ASIC2: variants seen among roughly 807,000 people sequenced by gnomAD.
The protein encoded by ASIC2 is acid-sensing ion channel 2.
In ASIC2, 25 loss-of-function variants were observed where a neutral mutation model predicts 57.3. The ratio of observed to expected loss-of-function variants is 0.44; its 90% CI spans 0.32 to 0.61. ASIC2 has a LOEUF of 0.61. Ranked by LOEUF, ASIC2 falls within the 20% of genes least tolerant of loss-of-function variation. The pLI is 0.06. For synonymous variants in ASIC2, 319 were observed against 307.5 expected, an observed-to-expected ratio of 1.04 and a Z score of -0.39; for missense variants, 641 against 738.1, an observed-to-expected ratio of 0.87 and a Z score of 1.52.
At chr17:33,757,895 C>G (rs953982914) in intron 1 of ASIC2, among the ~76,000 whole-genome samples, 1 of 152,184 alleles carries the variant, frequency 6.6e-6, no homozygotes, top group Non-Finnish European at 1.5e-5. Context: ...CCTCAGAGGC[C>G]GACAGTGCTC....
intron 1 of ASIC2, among the ~76,000 whole-genome samples, chr17:33,882,981 CCAT>C (rs1461678010): frequency 6.6e-6 from 1 of 152,018 alleles, no homozygotes; most frequent in Non-Finnish European, 1.5e-5. Flanking sequence ...AAGCTGGAAA[CCAT>C]CATTCTCAGC....
intron 3 of ASIC2, among the ~76,000 whole-genome samples, chr17:33,051,361 C>T (rs1474112232): frequency 6.6e-6 from 1 of 152,174 alleles, no homozygotes; most frequent in African/African-American, 2.4e-5. Flanking sequence ...TGTGCCCTGC[C>T]CAGCTCTCTT....
At chr17:33,776,391 C>T (rs1911279507) in intron 1 of ASIC2, among the ~76,000 whole-genome samples, 1 of 152,188 alleles carries the variant, frequency 6.6e-6, no homozygotes, top group South Asian at 2.1e-4. Context: ...TCACCAGACA[C>T]CAACTCTGCT....
intron 1 of ASIC2, among the ~76,000 whole-genome samples, chr17:33,151,471 C>T (rs1055055926): frequency 4.6e-5 from 7 of 151,056 alleles, no homozygotes; most frequent in African/African-American, 1.7e-4. Flanking sequence ...TTGTGGTTTC[C>T]TCATTTCTAG....
Position 33,342,576 on chromosome 17 carries a change from CATG to C in ASIC2, c.556-230512_556-230510del, listed in dbSNP as rs778960809. The stretch of plus-strand genomic sequence containing the variant: ...AGCCTGACCATTCCTGGGGGAATCA[CATG>C]ATGGTCCTACTCTCCATTGACTAAG... On this transcript the variant is annotated intron_variant, in intron 1 of 9. Transcript: ENST00000359872. Among the ~76,000 whole-genome samples the C allele has an allele frequency of 8.5e-5, 13 of 152,302 alleles. No individual in the cohort carries two copies. In the East Asian group the frequency reaches 1.5e-3, roughly 18 times the overall value.
chr17:34,153,832 A>C, intron 1 of ASIC2, among the ~76,000 whole-genome samples: 1 of 152,244 alleles, frequency 6.6e-6, no homozygotes, highest in East Asian at 1.9e-4. Context: ...CCACTGACAG[A>C]GTAGTAAATA....
intron 1 of ASIC2, among the ~76,000 whole-genome samples, chr17:33,197,379 C>T (rs1906676963): frequency 6.6e-6 from 1 of 152,182 alleles, no homozygotes; most frequent in Non-Finnish European, 1.5e-5. Context: ...CTGCTCTGGG[C>T]CCCACACTTT....
chr17:33,015,725 C>A (rs2091801975), intron 9 of ASIC2, among the ~76,000 whole-genome samples: 1 of 152,182 alleles, frequency 6.6e-6, no homozygotes, highest in Non-Finnish European at 1.5e-5. Flanking sequence ...TTGGGCCAGG[C>A]AGTTCCTATG....
chr17:33,385,794 T>G (rs978921229), intron 1 of ASIC2, among the ~76,000 whole-genome samples: 3 of 152,162 alleles, frequency 2.0e-5, no homozygotes, highest in Non-Finnish European at 4.4e-5. Context: ...CTCTGCAGTT[T>G]GTGTCTGCAA....
At chr17:33,820,793 C>T (rs1162781769) in intron 1 of ASIC2, among the ~76,000 whole-genome samples, 1 of 152,184 alleles carries the variant, frequency 6.6e-6, no homozygotes, top group Non-Finnish European at 1.5e-5. Flanking sequence ...CCTCTTACCT[C>T]AGCCTTCCAA....
intron 1 of ASIC2, among the ~76,000 whole-genome samples, chr17:34,137,767 T>G (rs902063556): frequency 1.3e-5 from 2 of 152,126 alleles, no homozygotes; most frequent in Admixed American, 6.5e-5. Flanking sequence ...GTTTCCTGAT[T>G]CATAGATGGT....
In ASIC2 at chr17:34,076,065, T is replaced by C. The variant is rs1909638386; in HGVS notation, c.555+79913A>G. 2.6e-5 allele frequency among the ~76,000 whole-genome samples: 4 copies of C among 151,836 alleles called. No individual in the cohort carries two copies. The South Asian group carries it at 8.3e-4, about 32-fold the overall frequency. ...TTGCCCAGGCTGGAGTGCAGTGGCATGATCTCGGCTCACTGCAAGCTCCGC... is the reference window on the plus strand; with the variant it reads ...TTGCCCAGGCTGGAGTGCAGTGGCACGATCTCGGCTCACTGCAAGCTCCGC... On this transcript the variant is annotated intron_variant, in intron 1 of 9. Transcript: ENST00000359872.
chr17:33,921,950 T>A (rs17783755), intron 1 of ASIC2, among the ~76,000 whole-genome samples: 47,974 of 151,898 alleles, frequency 0.32, 8,048 homozygotes, highest in Admixed American at 0.39. Flanking sequence ...TGAAAATGAT[T>A]AACAATGGAA....
chr17:34,001,460 G>C (rs1906337314), intron 1 of ASIC2: 1 of 152,440 alleles, frequency 6.6e-6, no homozygotes, highest in African/African-American at 2.4e-5. Context: ...AGTGGGGCTG[G>C]TGCTGGTCTG....
chr17:33,250,816 A>C (rs540425505), intron 1 of ASIC2, among the ~76,000 whole-genome samples: 1 of 152,196 alleles, frequency 6.6e-6, no homozygotes, highest in Admixed American at 6.5e-5. Flanking sequence ...TACAACTCTA[A>C]GGAACAGGCT....
chr17:33,257,172 C>G (rs1909112038), intron 1 of ASIC2, among the ~76,000 whole-genome samples: 1 of 152,164 alleles, frequency 6.6e-6, no homozygotes, highest in African/African-American at 2.4e-5. Flanking sequence ...CTGGCAAAAC[C>G]AGGGCTGCGT....
At chr17:33,782,274 C>T (rs1264973248) in intron 1 of ASIC2, among the ~76,000 whole-genome samples, 1 of 151,886 alleles carries the variant, frequency 6.6e-6, no homozygotes, top group East Asian at 1.9e-4. Context: ...CCCCTATAAG[C>T]TTCAAAGTTT....
At chr17:33,281,306 C>G (rs1246785956) in intron 1 of ASIC2, among the ~76,000 whole-genome samples, 1 of 152,164 alleles carries the variant, frequency 6.6e-6, no homozygotes, top group Non-Finnish European at 1.5e-5. Flanking sequence ...TTGAAGTCTA[C>G]TTTTGTACGG....
chr17:33,376,239 C>A (rs1025165404), intron 1 of ASIC2, among the ~76,000 whole-genome samples: 2 of 151,928 alleles, frequency 1.3e-5, no homozygotes, highest in African/African-American at 4.8e-5. Context: ...AAAAAGAATA[C>A]AAATACAATA....
Sources: allele counts gnomAD v4.1 joint callset (sites outside exome capture counted in the v4.1 genomes callset), GRCh38; gene constraint gnomAD v4.1.1; transcripts MANE v1.5; gene names NCBI Gene and HGNC (gene_info 2026-07-23, HGNC 2026-07-21).